Variants in TMEM132C observed in about 807,000 individuals in gnomAD.
The protein encoded by TMEM132C is protein phosphatase 1, regulatory subunit 152.
A neutral mutation model predicts 61.4 loss-of-function variants in TMEM132C; 29 were observed. The ratio of observed to expected loss-of-function variants is 0.47; its 90% CI spans 0.35 to 0.64. The LOEUF is 0.64. TMEM132C is among the 30% of genes least tolerant of loss of function. The pLI is 0.00. For missense variants in TMEM132C, 1,408 were observed against 1,476.9 expected, an observed-to-expected ratio of 0.95 and a Z score of 0.76; for synonymous variants, 656 against 633.1, an observed-to-expected ratio of 1.04 and a Z score of -0.54.
At chr12:128,468,797 T>G (rs1565944965) in intron 2 of TMEM132C, among the ~76,000 whole-genome samples, 1 of 152,154 alleles carries the variant, frequency 6.6e-6, no homozygotes, top group Non-Finnish European at 1.5e-5. Context: ...GAATATGTAT[T>G]AGAAAAAAAG....
At chr12:128,368,271 C>A (rs1412252608) in intron 1 of TMEM132C, among the ~76,000 whole-genome samples, 1 of 152,216 alleles carries the variant, frequency 6.6e-6, no homozygotes, top group African/African-American at 2.4e-5. Flanking sequence ...CAGCCGGAAG[C>A]AACGTCCATT....
At chr12:128,691,447 G>T (rs1238717611) in intron 5 of TMEM132C, among the ~76,000 whole-genome samples, 1 of 152,196 alleles carries the variant, frequency 6.6e-6, no homozygotes, top group East Asian at 1.9e-4. Context: ...GCATCAGTGT[G>T]TGCTTCCATC....
intron 2 of TMEM132C, among the ~76,000 whole-genome samples, chr12:128,520,475 A>G (rs1250578105): frequency 6.6e-6 from 1 of 152,150 alleles, no homozygotes; most frequent in Non-Finnish European, 1.5e-5. Flanking sequence ...TGGCTGGGAG[A>G]CAGATGTAAT....
intron 2 of TMEM132C, among the ~76,000 whole-genome samples, chr12:128,431,791 A>G (rs1258401173): frequency 6.6e-6 from 1 of 152,050 alleles, no homozygotes; most frequent in Non-Finnish European, 1.5e-5. Context: ...TCCTGACCAC[A>G]AGTGATTCAC....
At chr12:128,343,323 C>T (rs2135956111) in intron 1 of TMEM132C, among the ~76,000 whole-genome samples, 1 of 151,560 alleles carries the variant, frequency 6.6e-6, no homozygotes, top group East Asian at 2.0e-4. Context: ...ACTCAGGAGG[C>T]TGAGGCAGGA....
chr12:128,396,125 C>T (rs1874946089), intron 1 of TMEM132C, among the ~76,000 whole-genome samples: 1 of 152,074 alleles, frequency 6.6e-6, no homozygotes, highest in African/African-American at 2.4e-5. Flanking sequence ...CTCTAAAGTT[C>T]TGTGGGGGAA....
intron 2 of TMEM132C, among the ~76,000 whole-genome samples, chr12:128,416,479 A>G (rs907449914): frequency 6.6e-6 from 1 of 152,206 alleles, no homozygotes; most frequent in Non-Finnish European, 1.5e-5. Context: ...TTTTCTTGTT[A>G]TAGTTAAGAA....
chr12:128,502,526 C>A (rs926697065), intron 2 of TMEM132C, among the ~76,000 whole-genome samples: 9 of 152,162 alleles, frequency 5.9e-5, no homozygotes, highest in Non-Finnish European at 8.8e-5. Context: ...CCTTTTTCAC[C>A]CTAAAGGGCA....
intron 2 of TMEM132C, among the ~76,000 whole-genome samples, chr12:128,492,804 C>G (rs1030349001): frequency 1.3e-5 from 2 of 152,168 alleles, no homozygotes; most frequent in African/African-American, 2.4e-5. Flanking sequence ...TGTAGGTTGC[C>G]TGTTCACTCT....
chr12:128,503,713 A>T (rs1442732397), intron 2 of TMEM132C, among the ~76,000 whole-genome samples: 1 of 152,204 alleles, frequency 6.6e-6, no homozygotes, highest in Admixed American at 6.5e-5. Flanking sequence ...TGTTACACAG[A>T]TGAGGAAATG....
At chr12:128,601,409 C>T (rs1028693906) in intron 3 of TMEM132C, among the ~76,000 whole-genome samples, 20 of 152,204 alleles carry the variant, frequency 1.3e-4, no homozygotes, top group African/African-American at 4.1e-4. Context: ...TGATGTATCA[C>T]GAGGCGATCA....
chr12:128,690,511 T>C (rs1281373849), intron 5 of TMEM132C, among the ~76,000 whole-genome samples: 1 of 152,114 alleles, frequency 6.6e-6, no homozygotes, highest in Non-Finnish European at 1.5e-5. Flanking sequence ...ATTTATATAT[T>C]CGGGAGCAGC....
chr12:128,705,128 C>T lies in TMEM132C; in HGVS notation c.2160C>T (p.Gly720=), dbSNP rs1246997600. The change falls in exon 9 of 9, where the codon GGC becomes GGT. Residue 720 remains glycine (G), a synonymous_variant. Coordinates refer to ENST00000435159, the MANE Select transcript of TMEM132C (RefSeq NM_001136103.3). The part of the protein sequence containing the change: ...VFSTWLQFSD[G]SVTPLDIYDT... Reference sequence around the variant, plus strand: ...GCACGTGGCTGCAGTTCAGTGATGGCTCTGTGACGCCCCTGGACATCTACG... The same window carrying T: ...GCACGTGGCTGCAGTTCAGTGATGGTTCTGTGACGCCCCTGGACATCTACG... The T allele has an allele frequency of 6.5e-7, 1 of 1,549,680 alleles. No individual in the cohort carries two copies. Among genetic ancestry groups the T allele is most frequent in the Non-Finnish European group, 8.7e-7 (1 of 1,145,722 alleles).
intron 1 of TMEM132C, among the ~76,000 whole-genome samples, chr12:128,292,199 T>A (rs1432510032): frequency 1.3e-5 from 2 of 152,210 alleles, no homozygotes; most frequent in Non-Finnish European, 2.9e-5. Context: ...AAATATCACT[T>A]TTTTCTTATG....
intron 2 of TMEM132C, among the ~76,000 whole-genome samples, chr12:128,471,091 C>T (rs143606075): frequency 9.4e-4 from 143 of 152,204 alleles, no homozygotes; most frequent in Non-Finnish European, 1.7e-3. Flanking sequence ...AGGATGTTTA[C>T]CAGCATCTCT....
Position 128,523,811 on chromosome 12 carries a change from G to GGGA in TMEM132C, c.975-20146_975-20145insGGA, listed in dbSNP as rs397816205. 1.7e-4 allele frequency among the ~76,000 whole-genome samples: 17 copies of GGGA among 100,114 alleles called. 1 individual carries two copies. Among genetic ancestry groups the GGGA allele is most frequent in the African/African-American group, 5.8e-4 (17 of 29,430 alleles). The allele number at this position is 100,114 out of a possible 152,430, so 65.7% of individuals were successfully genotyped here. A position where few individuals can be genotyped will look rare whatever the true frequency, so the allele number is the denominator to read the frequency against. On this transcript the variant is annotated intron_variant, in intron 2 of 8. Transcript: ENST00000435159. ...GCCCAGGAATTACAGACAAGCCCAGGAAAAAAAAAAAAAAAAAGAGACCCT... is the reference window on the plus strand; with the variant it reads ...GCCCAGGAATTACAGACAAGCCCAGGGGAAAAAAAAAAAAAAAAAAGAGACCCT...
intron 1 of TMEM132C, among the ~76,000 whole-genome samples, chr12:128,363,216 CTT>C (rs1593025416): frequency 6.6e-6 from 1 of 152,166 alleles, no homozygotes; most frequent in East Asian, 1.9e-4. Flanking sequence ...TTAATTAAAA[CTT>C]ATATATTGTT....
chr12:128,697,201 C>T (rs769042511), intron 7 of TMEM132C, 23 bp from the exon 8 acceptor site: 4 of 1,483,154 alleles, frequency 2.7e-6, no homozygotes, highest in South Asian at 1.3e-5. Context: ...ATGGATTTTC[C>T]TTGTGTCCTG....
intron 4 of TMEM132C, among the ~76,000 whole-genome samples, chr12:128,635,471 T>C (rs1354720549): frequency 6.8e-6 from 1 of 146,910 alleles, no homozygotes; most frequent in Non-Finnish European, 1.5e-5. Flanking sequence ...TCTTTTTTTT[T>C]TTTTTTTGGT....
Sources: allele counts gnomAD v4.1 joint callset (sites outside exome capture counted in the v4.1 genomes callset), GRCh38; gene constraint gnomAD v4.1.1; transcripts MANE v1.5; gene names NCBI Gene and HGNC (gene_info 2026-07-23, HGNC 2026-07-21).